DLC1: variants seen among roughly 807,000 people sequenced by gnomAD.
DLC1 encodes rho GTPase-activating protein 7.
DLC1 carries 54 observed loss-of-function variants against 140.3 expected under a neutral mutation model. The ratio of observed to expected loss-of-function variants is 0.38; its 90% confidence interval spans 0.31 to 0.48. DLC1 has a LOEUF of 0.48. Among genes scored for constraint, DLC1 ranks in the 20% least tolerant of loss-of-function variants. The pLI, the probability that DLC1 is intolerant of heterozygous loss-of-function variation, is 0.96. For synonymous variants in DLC1, 986 were observed against 728.1 expected, an observed-to-expected ratio of 1.35 and a Z score of -5.70; for missense variants, 2,536 against 1,907.0, an observed-to-expected ratio of 1.33 and a Z score of -6.14.
chr8:13,283,216 G>A lies in DLC1; in HGVS notation c.1348+22053C>T, dbSNP rs144043665. 1.8e-4 allele frequency among the ~76,000 whole-genome samples: 27 copies of A among 152,000 alleles called. No homozygotes were observed. The East Asian group carries it at 5.0e-3, about 28-fold the overall frequency. On this transcript the variant is annotated intron_variant, in intron 5 of 17. Transcript: ENST00000276297. ...ATATGATGGTAGGACTCAAAAGATT[G>A]CAGTGTCAACTAGCTTGAATGTTTC...
intron 2 of DLC1, among the ~76,000 whole-genome samples, chr8:13,414,941 G>T (rs1837977995): frequency 6.6e-6 from 1 of 152,068 alleles, no homozygotes; most frequent in Non-Finnish European, 1.5e-5. Context: ...CTCCTGAGTA[G>T]CTGGGATTAC....
At chr8:13,418,429 A>G (rs1299584626) in intron 2 of DLC1, among the ~76,000 whole-genome samples, 4 of 152,204 alleles carry the variant, frequency 2.6e-5, no homozygotes, top group East Asian at 3.9e-4. Flanking sequence ...AGCTTTCTAC[A>G]TAAGGCTAGC....
chr8:13,285,294 C>T (rs1188070797), intron 5 of DLC1, among the ~76,000 whole-genome samples: 2 of 151,948 alleles, frequency 1.3e-5, no homozygotes, highest in East Asian at 3.9e-4. Context: ...AGATAATCTA[C>T]CTGAAATAGG....
chr8:13,529,633 T>A (rs1803032884), intron 1 of DLC1, among the ~76,000 whole-genome samples: 1 of 152,142 alleles, frequency 6.6e-6, no homozygotes, highest in Non-Finnish European at 1.5e-5. Context: ...ACTGATCTCT[T>A]ATATTTAAGA....
At chr8:13,245,311 CT>C (rs1829718390) in intron 5 of DLC1, among the ~76,000 whole-genome samples, 1 of 152,212 alleles carries the variant, frequency 6.6e-6, no homozygotes, top group Non-Finnish European at 1.5e-5. Context: ...TCTTGCAACC[CT>C]AGCCTTTGAA....
At chr8:13,281,245 C>T (rs1200122995) in intron 5 of DLC1, among the ~76,000 whole-genome samples, 1 of 152,194 alleles carries the variant, frequency 6.6e-6, no homozygotes, top group African/African-American at 2.4e-5. Context: ...ACATTTGGAA[C>T]CCTAAGGATC....
intron 4 of DLC1, among the ~76,000 whole-genome samples, chr8:13,385,555 C>T (rs1836485056): frequency 6.6e-6 from 1 of 152,116 alleles, no homozygotes; most frequent in Non-Finnish European, 1.5e-5. Flanking sequence ...CAAGTGGTGG[C>T]ATCTTAGGAC....
intron 5 of DLC1, among the ~76,000 whole-genome samples, chr8:13,263,829 T>C (rs1830568400): frequency 6.6e-6 from 1 of 151,676 alleles, no homozygotes; most frequent in African/African-American, 2.4e-5. Flanking sequence ...ACTTTGGCCA[T>C]ATAAGATGTA....
In DLC1 at chr8:13,092,653, G is replaced by A; in HGVS notation, c.3699C>T (p.Leu1233=). 6.2e-7 allele frequency: 1 copy of A among 1,614,218 alleles called. No homozygotes were observed. Among genetic ancestry groups the A allele is most frequent in the Non-Finnish European group, 8.5e-7 (1 of 1,180,044 alleles). Residue 1233 remains leucine (L), a synonymous_variant, in exon 13 of 18, where the codon CTC becomes CTT. Transcript: ENST00000276297. The stretch of plus-strand genomic sequence containing the variant: ...CTCTCTTCAGGGTGTTGAGATGGAA[G>A]AGGGAAGGCGCTAAGCACACGGCCA... ...TNLAVCLAPS[L]FHLNTLKREN... is the part of the protein sequence containing the mutation.
At chr8:13,404,803 G>C (rs1837451357) in intron 2 of DLC1, among the ~76,000 whole-genome samples, 1 of 152,042 alleles carries the variant, frequency 6.6e-6, no homozygotes, top group Admixed American at 6.5e-5. Flanking sequence ...TTGGAAACCA[G>C]CCTGGCCAAC....
chr8:13,208,688 A>G (rs60852837), intron 5 of DLC1, among the ~76,000 whole-genome samples: 3,216 of 151,980 alleles, frequency 0.021, 118 homozygotes, highest in African/African-American at 0.073. Context: ...AATTAAAAAG[A>G]TAATAGACAT....
Position 13,085,621 on chromosome 8 carries a change from C to A in DLC1, c.*190G>T. The A allele has an allele frequency of 2.8e-6, 2 of 717,066 alleles. No homozygotes were observed. Among genetic ancestry groups the A allele is most frequent in the Non-Finnish European group, 4.2e-6 (2 of 479,550 alleles). The allele number at this position is 717,066 out of a possible 1,614,324, so 44.4% of individuals were successfully genotyped here. A position where few individuals can be genotyped will look rare whatever the true frequency, so the allele number is the denominator to read the frequency against. ...CAGTCTTACATATTCCAGTCAAGGT[C>A]TATGAATACAGACCCTCAACAAACA... On this transcript the variant is annotated 3_prime_UTR_variant, in exon 18 of 18. Transcript: ENST00000276297.
rs143389082 is a variant in DLC1, at chr8:13,290,157, T to C, written c.1348+15112A>G. On this transcript the variant is annotated intron_variant, in intron 5 of 17. Transcript: ENST00000276297. ...ACTTTTTGGTAGTCATCGAGTGCCA[T>C]GATAATCTGTCTTAAGCCTTAAGAT... Among the ~76,000 whole-genome samples the C allele has an allele frequency of 8.3e-4, 127 of 152,308 alleles. 1 individual carries two copies. The highest frequency in any genetic ancestry group is 2.9e-3 in the African/African-American group (119 of 41,574).
intron 5 of DLC1, among the ~76,000 whole-genome samples, chr8:13,191,280 G>A (rs1826736944): frequency 6.6e-6 from 1 of 152,188 alleles, no homozygotes; most frequent in Non-Finnish European, 1.5e-5. Flanking sequence ...GTGGAGGCGG[G>A]TGGATCACCT....
chr8:13,086,579 C>T (rs765586072), intron 16 of DLC1, 116 bp from the exon 17 acceptor site: 2 of 1,176,728 alleles, frequency 1.7e-6, no homozygotes, highest in Admixed American at 2.4e-5. Flanking sequence ...AGTGGCCATG[C>T]TGTGTGACCC....
At position 13,499,197 on chromosome 8, in the gene DLC1, T is replaced by C. The variant is rs1178824803; in HGVS notation, c.875A>G (p.Asn292Ser). 1 of 1,614,186 alleles carries C rather than the reference T, an allele frequency of 6.2e-7. No individual in the cohort carries two copies. Among genetic ancestry groups the C allele is most frequent in the Non-Finnish European group, 8.5e-7 (1 of 1,180,008 alleles). Residue 292 changes from asparagine to serine, a missense_variant, in exon 2 of 18, where the codon AAT (asparagine) becomes AGT (serine). Asn to Ser is a conservative substitution (Grantham distance 46). Transcript: ENST00000276297. ...PSCPNGMSAE[N>S]GLEKSGFSQH... is the part of the protein sequence containing the mutation. Reference sequence around the variant, plus strand: ...TGAAAAACCACTCTTCTCCAGGCCATTTTCAGCTGACATTCCATTGGGGCA... The same window carrying C: ...TGAAAAACCACTCTTCTCCAGGCCACTTTCAGCTGACATTCCATTGGGGCA...
chr8:13,102,361 C>A lies in DLC1; in HGVS notation c.1566+429G>T, dbSNP rs750441878. 2.0e-5 allele frequency among the ~76,000 whole-genome samples: 3 copies of A among 152,160 alleles called. No individual in the cohort carries two copies. The East Asian group carries it at 5.8e-4, about 29-fold the overall frequency. ...TCCCTCCAAATCTCTTATTATTCTTCAATATTGCACAAATCGGCCTTCGCT... is the reference window on the plus strand; with the variant it reads ...TCCCTCCAAATCTCTTATTATTCTTAAATATTGCACAAATCGGCCTTCGCT... On this transcript the variant is annotated intron_variant, in intron 8 of 17. Transcript: ENST00000276297.
intron 4 of DLC1, among the ~76,000 whole-genome samples, chr8:13,362,873 T>G (rs1447667810): frequency 2.0e-5 from 3 of 152,154 alleles, no homozygotes; most frequent in Non-Finnish European, 4.4e-5. Context: ...ATGGCTGGCT[T>G]CTTCTCATCA....
intron 4 of DLC1, among the ~76,000 whole-genome samples, chr8:13,391,290 T>TCA (rs1439369269): frequency 6.6e-6 from 1 of 152,174 alleles, no homozygotes. Context: ...TTCTCATGGC[T>TCA]CACTGGCTGA....
Sources: gnomAD v4.1 joint callset for allele counts (sites outside exome capture counted in the v4.1 genomes callset) on GRCh38, gnomAD v4.1.1 for gene constraint, MANE v1.5 for transcripts, NCBI Gene and HGNC (gene_info 2026-07-23, HGNC 2026-07-21) for gene names.